Variants in PAK5 observed in about 807,000 individuals in gnomAD.
PAK5 encodes serine/threonine-protein kinase PAK 5.
A neutral mutation model predicts 65.9 loss-of-function variants in PAK5; 16 were observed. The observed-to-expected ratio is 0.24, with a 90% CI of 0.16 to 0.37. PAK5 has a LOEUF of 0.37. Ranked by LOEUF, PAK5 falls within the 10% of genes least tolerant of loss-of-function variation. The pLI, the probability that PAK5 is intolerant of heterozygous loss-of-function variation, is 1.00. For missense variants in PAK5, 785 were observed against 903.9 expected, an observed-to-expected ratio of 0.87 and a Z score of 1.69; for synonymous variants, 371 against 354.9, an observed-to-expected ratio of 1.05 and a Z score of -0.51.
chr20:9,568,043 A>G (rs1458394263), intron 4 of PAK5, among the ~76,000 whole-genome samples: 1 of 152,190 alleles, frequency 6.6e-6, no homozygotes, highest in African/African-American at 2.4e-5. Context: ...GCAGACGCTC[A>G]GCTATAGTGG....
intron 1 of PAK5, among the ~76,000 whole-genome samples, chr20:9,800,164 T>C (rs753078097): frequency 2.0e-5 from 3 of 152,058 alleles, no homozygotes; most frequent in Non-Finnish European, 4.4e-5. Flanking sequence ...TGAATGATAT[T>C]AGCTGAGCAC....
intron 2 of PAK5, among the ~76,000 whole-genome samples, chr20:9,705,239 TA>T (rs111756142): frequency 1.7e-4 from 25 of 149,208 alleles, no homozygotes; most frequent in African/African-American, 3.7e-4. Flanking sequence ...TGTGTCTAAT[TA>T]AAAAAAAAAT....
At chr20:9,800,522 C>T (rs1042970221) in intron 1 of PAK5, among the ~76,000 whole-genome samples, 3 of 151,962 alleles carry the variant, frequency 2.0e-5, no homozygotes, top group Admixed American at 6.6e-5. Flanking sequence ...TACAGCAGGA[C>T]AAGTTTTGAC....
intron 3 of PAK5, among the ~76,000 whole-genome samples, chr20:9,641,233 A>G (rs1403764095): frequency 6.6e-6 from 1 of 151,468 alleles, no homozygotes; most frequent in African/African-American, 2.4e-5. Context: ...CCTTGAGCTA[A>G]ACACAGGGTG....
rs985722631 is a variant in PAK5, at chr20:9,580,642, C to T, written c.493G>A (p.Ala165Thr). Residue 165 changes from alanine (A) to threonine (T), a missense_variant, in exon 4 of 10, where the codon GCA (alanine) becomes ACA (threonine). Transcript: ENST00000353224. ...DLDPYYRGSH[A>T]AKQNGHVMKM... ...ATTACGTGCCCATTTTGCTTGGCTG[C>T]GTGGCTGCCTCTATAATACGGATCC... The T allele has an allele frequency of 6.8e-6, 11 of 1,613,946 alleles. No homozygotes were observed. The highest frequency in any genetic ancestry group is 1.6e-4 in the Middle Eastern group (1 of 6,084).
chr20:9,822,909 G>A (rs956492941), intron 1 of PAK5, among the ~76,000 whole-genome samples: 2 of 152,202 alleles, frequency 1.3e-5, no homozygotes, highest in African/African-American at 4.8e-5. Flanking sequence ...GGAGGCATGA[G>A]TTTTATACCA....
In PAK5 at chr20:9,612,643, T is replaced by C. The variant is rs567811968; in HGVS notation, c.204+31482A>G. On this transcript the variant is annotated intron_variant, in intron 3 of 9. Transcript: ENST00000353224. ...GTTCGTGAGAACTCCACCCCCCCGA[T>C]CCAATCACCTCCCACCAGGCCCAGG... Among the ~76,000 whole-genome samples the C allele has an allele frequency of 7.9e-5, 12 of 151,956 alleles. No individual in the cohort carries two copies. In the East Asian group the frequency reaches 2.3e-3, roughly 30 times the overall value.
chr20:9,655,023 C>T (rs772889467), intron 2 of PAK5, among the ~76,000 whole-genome samples: 64 of 152,262 alleles, frequency 4.2e-4, no homozygotes, highest in Admixed American at 3.6e-3. Context: ...ACCCTGTCCA[C>T]GCCACCATCA....
chr20:9,686,671 C>T (rs1179078553), intron 2 of PAK5, among the ~76,000 whole-genome samples: 1 of 152,164 alleles, frequency 6.6e-6, no homozygotes, highest in Non-Finnish European at 1.5e-5. Context: ...CTGCTAGTCC[C>T]TGGAGGCCTC....
rs1216968260 is a variant in PAK5 at position 9,538,714 on chromosome 20, A to T, written c.*748T>A. On this transcript the variant is annotated 3_prime_UTR_variant, in exon 10 of 10. Transcript: ENST00000353224. Reference sequence around the variant, plus strand: ...CCCAAGGAGTGGTATACTGTGGCTCAAATTTTATTTCATTATTTTTGGTTG... The same window carrying T: ...CCCAAGGAGTGGTATACTGTGGCTCTAATTTTATTTCATTATTTTTGGTTG... 3 of 233,302 alleles carry T rather than the reference A, an allele frequency of 1.3e-5. No individual in the cohort carries two copies. Among genetic ancestry groups the T allele is most frequent in the African/African-American group, 2.2e-5 (1 of 45,342 alleles). 14.5% of individuals were successfully genotyped at this position (233,302 alleles called of 1,614,324 possible).
chr20:9,589,792 T>C (rs1031652836), intron 3 of PAK5, among the ~76,000 whole-genome samples: 1 of 152,212 alleles, frequency 6.6e-6, no homozygotes, highest in African/African-American at 2.4e-5. Context: ...TGCCTCAGCC[T>C]CCCAAGTAGC....
chr20:9,706,270 G>A (rs1177924463), intron 2 of PAK5, among the ~76,000 whole-genome samples: 4 of 152,028 alleles, frequency 2.6e-5, no homozygotes, highest in Non-Finnish European at 4.4e-5. Context: ...TGCTTAGCAC[G>A]CTTATAAAAG....
chr20:9,596,437 C>T (rs921229105), intron 3 of PAK5, among the ~76,000 whole-genome samples: 9 of 152,056 alleles, frequency 5.9e-5, no homozygotes, highest in East Asian at 1.9e-4. Context: ...GAGATCAAGA[C>T]CATCCTGGCT....
chr20:9,626,712 AT>A (rs2046848856), intron 3 of PAK5, among the ~76,000 whole-genome samples: 1 of 151,976 alleles, frequency 6.6e-6, no homozygotes, highest in South Asian at 2.1e-4. Flanking sequence ...ATTTACATGT[AT>A]TTGTTGTTAT....
At chr20:9,709,367 A>G (rs531406543) in intron 2 of PAK5, among the ~76,000 whole-genome samples, 31 of 152,282 alleles carry the variant, frequency 2.0e-4, no homozygotes, top group South Asian at 1.2e-3. Flanking sequence ...TGTACTAGCT[A>G]GTGATTTATA....
chr20:9,835,598 C>A (rs570335926), intron 1 of PAK5, among the ~76,000 whole-genome samples: 2 of 152,064 alleles, frequency 1.3e-5, no homozygotes, highest in Non-Finnish European at 2.9e-5. Context: ...AGGCAAGGAA[C>A]CAGGGGTCTT....
At chr20:9,778,429 G>T (rs1190615413) in intron 1 of PAK5, among the ~76,000 whole-genome samples, 1 of 151,400 alleles carries the variant, frequency 6.6e-6, no homozygotes, top group African/African-American at 2.4e-5. Flanking sequence ...GTAGAGACTG[G>T]GTCTCATCGT....
intron 1 of PAK5, among the ~76,000 whole-genome samples, chr20:9,724,273 A>G (rs1380424156): frequency 1.3e-5 from 2 of 152,212 alleles, no homozygotes; most frequent in Admixed American, 1.3e-4. Flanking sequence ...GTCAAATTTG[A>G]GAAACTTCTC....
At chr20:9,626,159 A>G (rs2046841074) in intron 3 of PAK5, among the ~76,000 whole-genome samples, 1 of 152,216 alleles carries the variant, frequency 6.6e-6, no homozygotes, top group African/African-American at 2.4e-5. Context: ...ATCAACATAA[A>G]TTTCCAACAA....
Sources: gnomAD v4.1 joint callset for allele counts (sites outside exome capture counted in the v4.1 genomes callset) on GRCh38, gnomAD v4.1.1 for gene constraint, MANE v1.5 for transcripts, NCBI Gene and HGNC (gene_info 2026-07-23, HGNC 2026-07-21) for gene names.